PRIM1: variants seen among roughly 807,000 people sequenced by gnomAD.
The protein encoded by PRIM1 is DNA primase subunit 1, also known as DNA primase small subunit.
Under a neutral mutation model 60.2 loss-of-function variants are expected in PRIM1, and 38 were observed. That is an observed-to-expected ratio of 0.63 (90% CI 0.49 to 0.83). PRIM1 has a LOEUF of 0.83. Ranked by LOEUF, PRIM1 falls within the 40% of genes least tolerant of loss-of-function variation. PRIM1 has a pLI of 0.00. For synonymous variants in PRIM1, 158 were observed against 160.2 expected, an observed-to-expected ratio of 0.99 and a Z score of 0.10; for missense variants, 388 against 506.2, an observed-to-expected ratio of 0.77 and a Z score of 2.24.
At chr12:56,738,667 T>G (rs1206255195) in intron 10 of PRIM1, 142 bp from the exon 11 acceptor site, 10 of 802,412 alleles carry the variant, frequency 1.2e-5, no homozygotes, top group Non-Finnish European at 1.7e-5. Flanking sequence ...TTCTTCTGCC[T>G]CAGCCTCCCA....
chr12:56,739,344 A>G lies in PRIM1; in HGVS notation c.1002T>C (p.Ile334=). The G allele has an allele frequency of 1.3e-5, 20 of 1,583,486 alleles. No homozygotes were observed. The highest frequency in any genetic ancestry group is 2.7e-5 in the African/African-American group (2 of 74,752). The change falls in exon 10 of 13, where the codon ATT becomes ATC. Residue 334 remains isoleucine (I), a synonymous_variant. Coordinates refer to ENST00000338193, the MANE Select transcript of PRIM1 (RefSeq NM_000946.3). The part of the protein sequence containing the change: ...HPKTGRISVP[I]DLQKVDQFDP... ...CAAACTGGTCCACTTTCTGCAAATCAATAGGCACAGATATGCGACCTGTAA... is the reference window on the plus strand; with the variant it reads ...CAAACTGGTCCACTTTCTGCAAATCGATAGGCACAGATATGCGACCTGTAA...
chr12:56,751,388 T>G, intron 1 of PRIM1, 193 bp from the exon 2 acceptor site: 2 of 387,814 alleles, frequency 5.2e-6, no homozygotes, highest in Non-Finnish European at 9.3e-6. Flanking sequence ...CAAGGGATCC[T>G]ACCACCTCAG....
intron 10 of PRIM1, 63 bp from the exon 11 acceptor site, chr12:56,738,588 T>A (rs1380866074): frequency 6.6e-7 from 1 of 1,508,768 alleles, no homozygotes; most frequent in African/African-American, 1.4e-5. Context: ...AGTCTTGCTC[T>A]GTTGCCAGGC....
At chr12:56,749,946 T>C (rs549722891) in intron 2 of PRIM1, among the ~76,000 whole-genome samples, 1 of 152,274 alleles carries the variant, frequency 6.6e-6, no homozygotes, top group South Asian at 2.1e-4. Flanking sequence ...CTAGGGTACT[T>C]AGAATATACC....
At chr12:56,741,872 A>G (rs1179143157) in intron 7 of PRIM1, 35 bp from the exon 8 acceptor site, 1 of 1,541,446 alleles carries the variant, frequency 6.5e-7, no homozygotes, top group East Asian at 2.2e-5. Context: ...TCATTTAGGG[A>G]ACATCAATGA....
intron 2 of PRIM1, among the ~76,000 whole-genome samples, chr12:56,749,004 G>C (rs548663349): frequency 6.6e-6 from 1 of 151,896 alleles, no homozygotes; most frequent in African/African-American, 2.4e-5. Flanking sequence ...AAAAATGAGG[G>C]GGAAGGGTAG....
At chr12:56,748,567 C>T (rs1953924489) in intron 2 of PRIM1, among the ~76,000 whole-genome samples, 1 of 149,836 alleles carries the variant, frequency 6.7e-6, no homozygotes, top group African/African-American at 2.5e-5. Context: ...GCGGAGGCTG[C>T]AGTGAGCCGA....
Position 56,746,218 on chromosome 12 carries a change from C to G in PRIM1, c.443-37G>C, listed in dbSNP as rs748584602. The G allele has an allele frequency of 2.5e-6, 4 of 1,581,558 alleles. No homozygotes were observed. The Admixed American group carries it at 5.2e-5, about 20-fold the overall frequency. On this transcript the variant is annotated intron_variant, in intron 4 of 12. Transcript: ENST00000338193. ...AGAAATAATAGGTTTTAAAACAAAT[C>G]TATAAACTCCTTAATTAATGTATAT...
intron 5 of PRIM1, among the ~76,000 whole-genome samples, chr12:56,744,904 C>T (rs1056378794): frequency 2.0e-5 from 3 of 151,956 alleles, no homozygotes; most frequent in African/African-American, 7.3e-5. Flanking sequence ...CCAGCCTGAC[C>T]AATATGATGA....
intron 6 of PRIM1, 80 bp downstream of exon 6, chr12:56,743,985 A>C: frequency 9.9e-7 from 1 of 1,010,738 alleles, no homozygotes; most frequent in Non-Finnish European, 1.5e-6. Context: ...CCAGCAGTGA[A>C]AATTGATAGC....
rs910905526 is a variant in PRIM1, at chr12:56,744,186, A to C, written c.580-63T>G. Reference sequence around the variant, plus strand: ...CAATATAAATACAGTCATGTGCAGCATAACGACATTTTAGTCATGATGGAC... The same window carrying C: ...CAATATAAATACAGTCATGTGCAGCCTAACGACATTTTAGTCATGATGGAC... On this transcript the variant is annotated intron_variant, in intron 5 of 12. Transcript: ENST00000338193. The C allele has an allele frequency of 2.3e-5, 29 of 1,259,842 alleles. No homozygotes were observed. The Admixed American group carries it at 6.0e-4, about 26-fold the overall frequency. 78.0% of individuals were successfully genotyped at this position (1,259,842 alleles called of 1,614,324 possible).
intron 5 of PRIM1, 150 bp downstream of exon 5, chr12:56,745,895 T>G: frequency 2.6e-6 from 2 of 770,494 alleles, no homozygotes; most frequent in East Asian, 6.1e-5. Context: ...GCCAAGATCA[T>G]GCCATTGCAG....
chr12:56,739,459 G>C, intron 9 of PRIM1, 96 bp from the exon 10 acceptor site: 2 of 769,134 alleles, frequency 2.6e-6, no homozygotes, highest in Non-Finnish European at 3.9e-6. Flanking sequence ...TTTATTTAAG[G>C]CTTAGACAAA....
chr12:56,742,857 A>G (rs1363867894), intron 7 of PRIM1, 130 bp downstream of exon 7: 1 of 659,586 alleles, frequency 1.5e-6, no homozygotes, highest in African/African-American at 1.9e-5. Flanking sequence ...CCAGAAATAC[A>G]GGAGATATTT....
chr12:56,746,626 TCACA>T (rs71446569), intron 4 of PRIM1, 151 bp downstream of exon 4: 48,044 of 632,368 alleles, frequency 0.076, 943 homozygotes, highest in African/African-American at 0.14. Context: ...GTGAGACTCG[TCACA>T]CACACACACA....
chr12:56,746,302 TG>T (rs1953906413), intron 4 of PRIM1, 121 bp from the exon 5 acceptor site: 2 of 1,174,128 alleles, frequency 1.7e-6, no homozygotes, highest in Admixed American at 2.0e-5. Flanking sequence ...TTACCCATCC[TG>T]GTCTCTCTGC....
chr12:56,742,536 A>G (rs1565906027), intron 7 of PRIM1, among the ~76,000 whole-genome samples: 1 of 150,806 alleles, frequency 6.6e-6, no homozygotes, highest in African/African-American at 2.4e-5. Context: ...ACCACTGCAC[A>G]CTCCAGCCTG....
chr12:56,742,643 G>A (rs1953881014), intron 7 of PRIM1, among the ~76,000 whole-genome samples: 1 of 151,918 alleles, frequency 6.6e-6, no homozygotes, highest in Non-Finnish European at 1.5e-5. Flanking sequence ...ATCTTCCCCT[G>A]TAAAAATACA....
chr12:56,738,711 G>A (rs1185069604), intron 10 of PRIM1, among the ~76,000 whole-genome samples, 186 bp from the exon 11 acceptor site: 2 of 152,046 alleles, frequency 1.3e-5, no homozygotes, highest in African/African-American at 4.8e-5. Flanking sequence ...GCCACCAAGC[G>A]CAGCTAATTT....
Sources: allele counts gnomAD v4.1 joint callset (sites outside exome capture counted in the v4.1 genomes callset), GRCh38; gene constraint gnomAD v4.1.1; transcripts MANE v1.5; gene names NCBI Gene and HGNC (gene_info 2026-07-23, HGNC 2026-07-21).